Variants in SMAD6 observed in about 807,000 individuals in gnomAD.
SMAD6 encodes SMAD family member 6, also known as MAD homolog 6.
A neutral mutation model predicts 39.4 loss-of-function variants in SMAD6; 103 were observed. The observed-to-expected ratio is 2.62, with a 90% CI of 2.23 to 3.08. The LOEUF is 3.08. SMAD6 is among the 30% of genes most tolerant of loss of function. The probability of loss-of-function intolerance (pLI) is 0.00; values close to 1 mark genes in which losing one functional copy is unlikely to be tolerated. For missense variants in SMAD6, 1,104 were observed against 742.9 expected, an observed-to-expected ratio of 1.49 and a Z score of -5.65; for synonymous variants, 445 against 353.3, an observed-to-expected ratio of 1.26 and a Z score of -2.91.
intron 3 of SMAD6, among the ~76,000 whole-genome samples, chr15:66,725,180 A>G (rs1176899910): frequency 6.6e-6 from 1 of 152,144 alleles, no homozygotes; most frequent in African/African-American, 2.4e-5. Context: ...TTTATATTAA[A>G]CATTTTTCCT....
At chr15:66,746,814 A>G (rs923993943) in intron 3 of SMAD6, among the ~76,000 whole-genome samples, 37 of 152,232 alleles carry the variant, frequency 2.4e-4, no homozygotes, top group Non-Finnish European at 4.6e-4. Flanking sequence ...TCGCTTCTGG[A>G]CTTGAAGTTA....
intron 3 of SMAD6, among the ~76,000 whole-genome samples, chr15:66,775,535 C>T (rs1377133476): frequency 6.6e-6 from 1 of 152,048 alleles, no homozygotes; most frequent in African/African-American, 2.4e-5. Context: ...AGATGACCTG[C>T]TGGATCAGGG....
rs180780054 is a variant in SMAD6, at chr15:66,729,114, A to C, written c.952+12616A>C. ...GCCTGTGCTTGGTCCCCAGTTCCCA[A>C]GTGGCAGAGCTCGGCCTAGAGCAGG... On this transcript the variant is annotated intron_variant, in intron 3 of 3. Coordinates refer to ENST00000288840, the MANE Select transcript of SMAD6 (RefSeq NM_005585.5). Among the ~76,000 whole-genome samples, 592 of 152,278 alleles carry C rather than the reference A, an allele frequency of 3.9e-3. 5 individuals are homozygous for C. Among genetic ancestry groups the C allele is most frequent in the Non-Finnish European group, 6.5e-3 (441 of 68,012 alleles).
At chr15:66,732,646 G>A (rs1893650178) in intron 3 of SMAD6, among the ~76,000 whole-genome samples, 2 of 152,146 alleles carry the variant, frequency 1.3e-5, no homozygotes, top group African/African-American at 2.4e-5. Context: ...GCAGGTGTGA[G>A]CCATCTCACC....
intron 3 of SMAD6, among the ~76,000 whole-genome samples, chr15:66,735,639 G>T (rs912508293): frequency 8.5e-5 from 13 of 152,326 alleles, no homozygotes; most frequent in African/African-American, 3.1e-4. Flanking sequence ...GGGGCAGCAA[G>T]AATGTGGTCT....
rs1196499540 is a variant in SMAD6 at position 66,703,808 on chromosome 15, A to G, written c.550A>G (p.Lys184Glu). 1 of 1,433,494 alleles carries G rather than the reference A, an allele frequency of 7.0e-7. No homozygotes were observed. Among genetic ancestry groups the G allele is most frequent in the Non-Finnish European group, 9.2e-7 (1 of 1,082,654 alleles). The allele number at this position is 1,433,494 out of a possible 1,614,324, so 88.8% of individuals were successfully genotyped here. A position where few individuals can be genotyped will look rare whatever the true frequency, so the allele number is the denominator to read the frequency against. ...TVTYSLLKRL[K>E]ERSLDTLLEA... Reference sequence around the variant, plus strand: ...CACGTACTCGCTGCTGAAGCGGCTCAAGGAGCGCTCGCTGGACACGCTGCT... The same window carrying G: ...CACGTACTCGCTGCTGAAGCGGCTCGAGGAGCGCTCGCTGGACACGCTGCT... Residue 184 changes from lysine (K) to glutamate (E), a missense_variant, in exon 1 of 4, where the codon AAG becomes GAG. Transcript: ENST00000288840.
chr15:66,734,443 G>A (rs562114186), intron 3 of SMAD6, among the ~76,000 whole-genome samples: 8 of 152,316 alleles, frequency 5.3e-5, no homozygotes, highest in Admixed American at 3.3e-4. Flanking sequence ...AACAGAGCAG[G>A]GAGCGGAGGT....
chr15:66,703,690 C>A lies in SMAD6; in HGVS notation c.432C>A (p.Pro144=), dbSNP rs1459472702. The A allele has an allele frequency of 8.0e-7, 1 of 1,254,388 alleles. No individual in the cohort carries two copies. The highest frequency in any genetic ancestry group is 3.4e-5 in the South Asian group (1 of 29,814). The allele number at this position is 1,254,388 out of a possible 1,614,324, so 77.7% of individuals were successfully genotyped here. A position where few individuals can be genotyped will look rare whatever the true frequency, so the allele number is the denominator to read the frequency against. The change falls in exon 1 of 4, where the codon CCC becomes CCA. Residue 144 remains proline, a synonymous_variant. Transcript: ENST00000288840. ...AAGAPRDASD[P]LAGAALEPAG... ...GCGCGCCCCGGGACGCCAGCGACCC[C>A]CTGGCCGGGGCGGCCCTGGAGCCGG...
chr15:66,703,944 T>C lies in SMAD6; in HGVS notation c.686T>C (p.Leu229Pro), dbSNP rs1376394636. ...CCGCCGCAGCTGCTGCTCGGCCGCC[T>C]CTTTCGCTGGCCCGACCTGCAGCAC... ...PAPPQLLLGR[L>P]FRWPDLQHAV... The change falls in exon 1 of 4, where the codon CTC becomes CCC. Residue 229 changes from leucine (L) to proline (P), a missense_variant. Physicochemically the swap from Leu to Pro is moderately conservative, Grantham distance 98. Coordinates refer to ENST00000288840, the MANE Select transcript of SMAD6 (RefSeq NM_005585.5). The C allele has an allele frequency of 1.4e-6, 2 of 1,388,554 alleles. No individual in the cohort carries two copies. Among genetic ancestry groups the C allele is most frequent in the Non-Finnish European group, 9.4e-7 (1 of 1,069,132 alleles). 86.0% of individuals were successfully genotyped at this position (1,388,554 alleles called of 1,614,324 possible). A position where few individuals can be genotyped will look rare whatever the true frequency, so the allele number is the denominator to read the frequency against.
chr15:66,703,298 T>G lies in SMAD6; in HGVS notation c.40T>G (p.Trp14Gly). Residue 14 changes from tryptophan (W) to glycine (G), a missense_variant, in exon 1 of 4, where the codon TGG becomes GGG. Coordinates refer to ENST00000288840, the MANE Select transcript of SMAD6 (RefSeq NM_005585.5). ...ACGCTCGGGGCTGGTGCGGCGACTT[T>G]GGCGAAGTCGTGTGGTCCCCGACCG... ...SKRSGLVRRL[W>G]RSRVVPDREE... 6.7e-7 allele frequency: 1 copy of G among 1,491,768 alleles called. No individual in the cohort carries two copies. The highest frequency in any genetic ancestry group is 8.9e-7 in the Non-Finnish European group (1 of 1,120,224). 92.4% of individuals were successfully genotyped at this position (1,491,768 alleles called of 1,614,324 possible).
intron 3 of SMAD6, among the ~76,000 whole-genome samples, chr15:66,778,614 G>A (rs1282575499): frequency 6.6e-6 from 1 of 152,200 alleles, no homozygotes; most frequent in Admixed American, 6.5e-5. Context: ...CATGGACCAT[G>A]AGAGCAGTCA....
chr15:66,770,305 C>G lies in SMAD6; in HGVS notation c.953-10692C>G, dbSNP rs532479403. ...GTTGGTGAACTTGGGCATTTAATGC[C>G]TGAGATGAGAACTCAGGCCCAGCCT... On this transcript the variant is annotated intron_variant, in intron 3 of 3. Coordinates refer to ENST00000288840, the MANE Select transcript of SMAD6 (RefSeq NM_005585.5). Among the ~76,000 whole-genome samples the G allele has an allele frequency of 2.4e-3, 364 of 152,238 alleles. 1 individual carries two copies. Among genetic ancestry groups the G allele is most frequent in the African/African-American group, 8.5e-3 (352 of 41,540 alleles).
intron 3 of SMAD6, among the ~76,000 whole-genome samples, chr15:66,726,522 C>A (rs1362389804): frequency 6.6e-6 from 1 of 152,158 alleles, no homozygotes; most frequent in Non-Finnish European, 1.5e-5. Context: ...AGAGAGGGCC[C>A]AGGCTCTTAA....
intron 2 of SMAD6, 64 bp downstream of exon 2, chr15:66,711,788 G>T: frequency 3.0e-6 from 4 of 1,336,382 alleles, no homozygotes; most frequent in South Asian, 2.3e-5. Context: ...CTTCAGCCCA[G>T]TGTCTGTCCA....
chr15:66,751,869 C>G (rs934211140), intron 3 of SMAD6, among the ~76,000 whole-genome samples: 1 of 152,186 alleles, frequency 6.6e-6, no homozygotes. Flanking sequence ...CTCAGAGACA[C>G]CAGTGACTTC....
intron 1 of SMAD6, among the ~76,000 whole-genome samples, chr15:66,711,070 T>C (rs1893216881): frequency 6.6e-6 from 1 of 152,202 alleles, no homozygotes; most frequent in African/African-American, 2.4e-5. Flanking sequence ...ATTTAGCAAA[T>C]AAAATGCAGG....
At chr15:66,713,887 GA>G (rs2140599987) in intron 2 of SMAD6, among the ~76,000 whole-genome samples, 1 of 152,334 alleles carries the variant, frequency 6.6e-6, no homozygotes, top group Non-Finnish European at 1.5e-5. Context: ...TCATGTGGTG[GA>G]AGCTTGTCAC....
At chr15:66,714,408 A>G (rs1893288138) in intron 2 of SMAD6, among the ~76,000 whole-genome samples, 3 of 152,204 alleles carry the variant, frequency 2.0e-5, no homozygotes, top group African/African-American at 7.2e-5. Context: ...CCAAAGAAGC[A>G]TAATATTTTG....
intron 2 of SMAD6, among the ~76,000 whole-genome samples, chr15:66,712,054 C>T (rs1893242544): frequency 6.6e-6 from 1 of 152,204 alleles, no homozygotes; most frequent in African/African-American, 2.4e-5. Context: ...ATTTCTGTGT[C>T]TCTTTCCTCT....
Sources: gnomAD v4.1 joint callset for allele counts (sites outside exome capture counted in the v4.1 genomes callset) on GRCh38, gnomAD v4.1.1 for gene constraint, MANE v1.5 for transcripts, NCBI Gene and HGNC (gene_info 2026-07-23, HGNC 2026-07-21) for gene names.